Variants in FHIP1A observed in about 807,000 individuals in gnomAD.
FHIP1A encodes FHF complex subunit HOOK interacting protein 1A, also known as FHF complex subunit HOOK-interacting protein 1A.
In FHIP1A, 61 loss-of-function variants were observed where a neutral mutation model predicts 88.6. The ratio of observed to expected loss-of-function variants is 0.69; its 90% CI spans 0.56 to 0.85. The LOEUF is 0.85. Ranked by LOEUF, FHIP1A falls within the 40% of genes least tolerant of loss-of-function variation. The pLI is 0.00. For missense variants in FHIP1A, 1,154 were observed against 1,273.5 expected (o/e 0.91, Z 1.43); for synonymous variants, 478 against 496.0 (o/e 0.96, Z 0.48).
rs1382136771 is a variant in FHIP1A at position 151,433,845 on chromosome 4, G to A, written c.-355-20856G>A. On this transcript the variant is annotated intron_variant, in intron 1 of 13. Transcript: ENST00000435205. ...TGTCTCTTGAAAAATTGCATGCCTGGGCCATATTATCTTGATTCTATTGCA... is the reference window on the plus strand; with the variant it reads ...TGTCTCTTGAAAAATTGCATGCCTGAGCCATATTATCTTGATTCTATTGCA... 2.0e-5 allele frequency among the ~76,000 whole-genome samples: 3 copies of A among 152,046 alleles called. No individual in the cohort carries two copies. In the South Asian group the frequency reaches 6.2e-4, roughly 32 times the overall value.
At chr4:151,652,880 G>A (rs942031690) in intron 11 of FHIP1A, among the ~76,000 whole-genome samples, 1 of 152,214 alleles carries the variant, frequency 6.6e-6, no homozygotes, top group East Asian at 1.9e-4. Flanking sequence ...GAGCCTTTGG[G>A]CCAAGCCAAG....
chr4:151,583,726 T>C (rs562184399), intron 5 of FHIP1A, among the ~76,000 whole-genome samples: 1 of 152,324 alleles, frequency 6.6e-6, no homozygotes, highest in South Asian at 2.1e-4. Context: ...TTAGCAAATG[T>C]AATTGATTTA....
In FHIP1A at chr4:151,434,811, T is replaced by A. The variant is rs78975705; in HGVS notation, c.-355-19890T>A. ...TAGTTGGTTGTTTACTATTGAGTAA[T>A]GAGTAGGTCACTGGTTAGGTAAAAA... On this transcript the variant is annotated intron_variant, in intron 1 of 13. Coordinates refer to ENST00000435205, the MANE Select transcript of FHIP1A (RefSeq NM_001109977.3). Among the ~76,000 whole-genome samples the A allele has an allele frequency of 8.8e-3, 1,333 of 152,294 alleles. 23 individuals are homozygous for A. Among genetic ancestry groups the A allele is most frequent in the African/African-American group, 0.029 (1,212 of 41,560 alleles).
At chr4:151,476,511 G>T (rs532742958) in intron 2 of FHIP1A, among the ~76,000 whole-genome samples, 1 of 152,180 alleles carries the variant, frequency 6.6e-6, no homozygotes, top group African/African-American at 2.4e-5. Flanking sequence ...GCAAAGTAAA[G>T]TATGTTCATC....
intron 1 of FHIP1A, among the ~76,000 whole-genome samples, chr4:151,446,537 T>TCC (rs1198794359): frequency 6.6e-6 from 1 of 150,532 alleles, no homozygotes; most frequent in Non-Finnish European, 1.5e-5. Context: ...AGTGCTTATA[T>TCC]CCAGTAGTCA....
intron 1 of FHIP1A, among the ~76,000 whole-genome samples, chr4:151,425,759 G>A (rs1468314946): frequency 7.2e-6 from 1 of 138,350 alleles, no homozygotes; most frequent in African/African-American, 2.7e-5. Context: ...TCCAACTTCT[G>A]GTGGTTGTCC....
At chr4:151,439,237 G>A (rs1728317022) in intron 1 of FHIP1A, among the ~76,000 whole-genome samples, 1 of 151,970 alleles carries the variant, frequency 6.6e-6, no homozygotes, top group South Asian at 2.1e-4. Flanking sequence ...GGATGGCTTG[G>A]CATTAAAAGG....
intron 3 of FHIP1A, among the ~76,000 whole-genome samples, chr4:151,514,530 G>C (rs528560986): frequency 0.014 from 2,166 of 151,368 alleles, 47 homozygotes; most frequent in African/African-American, 0.051. Flanking sequence ...TTTTTTGAAA[G>C]GATCAACAAA....
chr4:151,520,094 A>T (rs1307681785), intron 3 of FHIP1A, among the ~76,000 whole-genome samples: 7 of 152,142 alleles, frequency 4.6e-5, no homozygotes, highest in Non-Finnish European at 7.4e-5. Context: ...TGATAAAGTA[A>T]TCTTTACTAT....
chr4:151,608,758 A>C (rs1389217009), intron 7 of FHIP1A, among the ~76,000 whole-genome samples: 1 of 152,252 alleles, frequency 6.6e-6, no homozygotes, highest in Admixed American at 6.5e-5. Flanking sequence ...TCAGCCTCCC[A>C]AGACTGTGGT....
At chr4:151,618,927 C>T (rs571610694) in intron 7 of FHIP1A, among the ~76,000 whole-genome samples, 1 of 152,148 alleles carries the variant, frequency 6.6e-6, no homozygotes, top group African/African-American at 2.4e-5. Flanking sequence ...TTTGTGATTC[C>T]CTGATCAGCA....
intron 1 of FHIP1A, among the ~76,000 whole-genome samples, chr4:151,432,504 A>G (rs908880615): frequency 2.0e-5 from 3 of 152,250 alleles, no homozygotes; most frequent in African/African-American, 7.2e-5. Flanking sequence ...ATATGTAAGC[A>G]GGAAAAGACC....
At chr4:151,607,156 C>T (rs1180369469) in intron 7 of FHIP1A, among the ~76,000 whole-genome samples, 1 of 152,212 alleles carries the variant, frequency 6.6e-6, no homozygotes, top group Non-Finnish European at 1.5e-5. Context: ...AGGAGCCTGG[C>T]TCAGCTGGGA....
intron 5 of FHIP1A, among the ~76,000 whole-genome samples, chr4:151,583,965 GT>G (rs1734116551): frequency 6.6e-6 from 1 of 152,010 alleles, no homozygotes; most frequent in South Asian, 2.1e-4. Flanking sequence ...CTTGTTTACG[GT>G]TGTATTTTCC....
chr4:151,512,553 A>G (rs1478531112), intron 3 of FHIP1A, among the ~76,000 whole-genome samples: 1 of 152,200 alleles, frequency 6.6e-6, no homozygotes, highest in Non-Finnish European at 1.5e-5. Context: ...GAAAACTTTG[A>G]AAAAAATTTA....
intron 7 of FHIP1A, among the ~76,000 whole-genome samples, chr4:151,616,444 CTT>C (rs763599410): frequency 4.4e-5 from 5 of 113,394 alleles, no homozygotes; most frequent in African/African-American, 1.3e-4. Flanking sequence ...TTCTTTCTTT[CTT>C]TTTTTTTTTT....
chr4:151,520,110 T>G (rs1341236270), intron 3 of FHIP1A, among the ~76,000 whole-genome samples: 2 of 152,206 alleles, frequency 1.3e-5, no homozygotes, highest in Non-Finnish European at 2.9e-5. Context: ...ACTATTTTTC[T>G]TATATTATTG....
chr4:151,465,802 G>A (rs980364971), intron 2 of FHIP1A, among the ~76,000 whole-genome samples: 1 of 152,084 alleles, frequency 6.6e-6, no homozygotes, highest in African/African-American at 2.4e-5. Flanking sequence ...ATGCAGAAAA[G>A]GCCTTTGATA....
chr4:151,604,011 C>T (rs1356561050), intron 7 of FHIP1A, among the ~76,000 whole-genome samples: 1 of 152,186 alleles, frequency 6.6e-6, no homozygotes, highest in African/African-American at 2.4e-5. Flanking sequence ...GGCTCCACTT[C>T]CTACAATGTT....
Sources: allele counts gnomAD v4.1 joint callset (sites outside exome capture counted in the v4.1 genomes callset), GRCh38; gene constraint gnomAD v4.1.1; transcripts MANE v1.5; gene names NCBI Gene and HGNC (gene_info 2026-07-23, HGNC 2026-07-21).